Variants in ZCCHC14 observed in about 807,000 individuals in gnomAD.
The protein encoded by ZCCHC14 is zinc finger CCHC domain-containing protein 14.
A neutral mutation model predicts 85.0 loss-of-function variants in ZCCHC14; 16 were observed. That is an observed-to-expected ratio of 0.19 (90% confidence interval 0.13 to 0.29). The LOEUF (loss-of-function observed/expected upper bound fraction) is 0.29. Ranked by LOEUF, ZCCHC14 falls within the 10% of genes least tolerant of loss-of-function variation. The pLI is 1.00. For missense variants in ZCCHC14, 1,303 were observed against 1,443.5 expected, an observed-to-expected ratio of 0.90 and a Z score of 1.58; for synonymous variants, 775 against 630.7, an observed-to-expected ratio of 1.23 and a Z score of -3.43.
intron 2 of ZCCHC14, among the ~76,000 whole-genome samples, chr16:87,450,775 G>A (rs574278083): frequency 6.6e-6 from 1 of 152,146 alleles, no homozygotes; most frequent in Admixed American, 6.5e-5. Flanking sequence ...AGGCTGGTGT[G>A]GAACTCCTGA....
chr16:87,472,485 C>A (rs894145561), intron 1 of ZCCHC14: 2 of 152,416 alleles, frequency 1.3e-5, no homozygotes, highest in African/African-American at 4.8e-5. Flanking sequence ...CCCCACAGAG[C>A]AGACCACCAG....
At chr16:87,415,135 T>C (rs1908717754) in intron 9 of ZCCHC14, 141 bp downstream of exon 9, 2 of 609,558 alleles carry the variant, frequency 3.3e-6, no homozygotes, top group Non-Finnish European at 5.6e-6. Context: ...TAAATAAAAA[T>C]AAATAAAAGC....
At chr16:87,440,571 T>A (rs1910134892) in intron 2 of ZCCHC14, among the ~76,000 whole-genome samples, 1 of 152,132 alleles carries the variant, frequency 6.6e-6, no homozygotes, top group African/African-American at 2.4e-5. Context: ...ACTGGCCACA[T>A]CCCAGACTAT....
In ZCCHC14 at chr16:87,485,162, G is replaced by A. The variant is rs367988523; in HGVS notation, c.570+6507C>T. 1.1e-4 allele frequency among the ~76,000 whole-genome samples: 16 copies of A among 152,304 alleles called. No individual in the cohort carries two copies. In the South Asian group the frequency reaches 2.1e-3, roughly 20 times the overall value. On this transcript the variant is annotated intron_variant, in intron 1 of 12. Coordinates refer to ENST00000671377, the MANE Select transcript of ZCCHC14 (RefSeq NM_015144.3). ...TGAACGGCTGGGTCCAGGGCTTTGTGGCCGGCATGTGAAGACCTGTCCTGC... is the reference window on the plus strand; with the variant it reads ...TGAACGGCTGGGTCCAGGGCTTTGTAGCCGGCATGTGAAGACCTGTCCTGC...
chr16:87,453,819 A>G (rs1910825756), intron 2 of ZCCHC14, among the ~76,000 whole-genome samples: 1 of 152,254 alleles, frequency 6.6e-6, no homozygotes, highest in African/African-American at 2.4e-5. Context: ...AGAAAACGCG[A>G]TGAATGGACA....
intron 1 of ZCCHC14, among the ~76,000 whole-genome samples, chr16:87,476,702 G>T (rs1168496047): frequency 7.9e-6 from 1 of 126,980 alleles, no homozygotes; most frequent in Non-Finnish European, 1.6e-5. Context: ...AAAAGAAACA[G>T]AACAGAGGGA....
At chr16:87,469,665 G>A (rs1204068319) in intron 1 of ZCCHC14, among the ~76,000 whole-genome samples, 1 of 152,216 alleles carries the variant, frequency 6.6e-6, no homozygotes, top group Non-Finnish European at 1.5e-5. Context: ...TGTGGTGCTT[G>A]CGGTGTGGCT....
chr16:87,487,917 C>T (rs1912586845), intron 1 of ZCCHC14, among the ~76,000 whole-genome samples: 1 of 145,624 alleles, frequency 6.9e-6, no homozygotes, highest in South Asian at 2.2e-4. Flanking sequence ...CCCTTATATG[C>T]AACGTCCAAA....
At chr16:87,447,459 G>A (rs912123978) in intron 2 of ZCCHC14, among the ~76,000 whole-genome samples, 31 of 152,182 alleles carry the variant, frequency 2.0e-4, no homozygotes, top group African/African-American at 7.0e-4. Context: ...AGTCTTGAAC[G>A]TCATATAAAC....
chr16:87,462,120 TAAAAA>T (rs11431342), intron 1 of ZCCHC14, among the ~76,000 whole-genome samples: 26 of 139,562 alleles, frequency 1.9e-4, no homozygotes, highest in Non-Finnish European at 3.7e-4. Flanking sequence ...TCTAAAAAAG[TAAAAA>T]AAAAAAAAAA....
intron 2 of ZCCHC14, among the ~76,000 whole-genome samples, chr16:87,440,183 A>C (rs1910116873): frequency 6.6e-6 from 1 of 151,238 alleles, no homozygotes; most frequent in Admixed American, 6.6e-5. Flanking sequence ...TTTTTTTTTA[A>C]GATAAGAGTT....
At chr16:87,467,312 A>T in intron 1 of ZCCHC14, 16 of 1,583,992 alleles carry the variant, frequency 1.0e-5, no homozygotes, top group Middle Eastern at 1.7e-4. Flanking sequence ...ATAATGTAAC[A>T]CTGCCCCAAG....
At chr16:87,445,872 A>G (rs190457715) in intron 2 of ZCCHC14, among the ~76,000 whole-genome samples, 52 of 152,368 alleles carry the variant, frequency 3.4e-4, no homozygotes, top group Non-Finnish European at 6.2e-4. Context: ...TTTTTTAATT[A>G]AAGAAGATTC....
chr16:87,447,228 C>T (rs1489326386), intron 2 of ZCCHC14, among the ~76,000 whole-genome samples: 1 of 147,440 alleles, frequency 6.8e-6, no homozygotes, highest in Non-Finnish European at 1.5e-5. Flanking sequence ...TATTTTGGGC[C>T]AGGGGGAACT....
intron 9 of ZCCHC14, 73 bp from the exon 10 acceptor site, chr16:87,414,614 G>A: frequency 6.6e-7 from 1 of 1,526,662 alleles, no homozygotes; most frequent in African/African-American, 1.4e-5. Context: ...CTTCAAGACG[G>A]GTCTACTCCA....
chr16:87,440,300 G>C (rs1049173884), intron 2 of ZCCHC14, among the ~76,000 whole-genome samples: 1 of 151,322 alleles, frequency 6.6e-6, no homozygotes, highest in African/African-American at 2.4e-5. Flanking sequence ...GAGTAGCTGG[G>C]ATTACAGGCG....
Position 87,410,176 on chromosome 16 carries a change from G to A in ZCCHC14, c.*104C>T. Reference sequence around the variant, plus strand: ...AGTCTAGGAAAAGTAAAGCACCTTTGGATTAAAAAGATTAAGCTCAACAGC... The same window carrying A: ...AGTCTAGGAAAAGTAAAGCACCTTTAGATTAAAAAGATTAAGCTCAACAGC... On this transcript the variant is annotated 3_prime_UTR_variant, in exon 13 of 13. Transcript: ENST00000671377. 1.7e-6 allele frequency: 1 copy of A among 588,272 alleles called. No homozygotes were observed. The highest frequency in any genetic ancestry group is 1.9e-5 in the African/African-American group (1 of 52,278). 36.4% of individuals were successfully genotyped at this position (588,272 alleles called of 1,614,324 possible).
chr16:87,462,898 G>A (rs148772881), intron 1 of ZCCHC14, among the ~76,000 whole-genome samples: 87 of 151,062 alleles, frequency 5.8e-4, no homozygotes, highest in Admixed American at 4.4e-3. Flanking sequence ...GGTGAAACCC[G>A]TCTCTACTAA....
chr16:87,459,943 G>A (rs1911172782), intron 2 of ZCCHC14, 65 bp downstream of exon 2: 2 of 1,603,404 alleles, frequency 1.2e-6, no homozygotes, highest in African/African-American at 2.7e-5. Context: ...TGCCCTCACG[G>A]GGATCTGGGG....
Sources: gnomAD v4.1 joint callset for allele counts (sites outside exome capture counted in the v4.1 genomes callset) on GRCh38, gnomAD v4.1.1 for gene constraint, MANE v1.5 for transcripts, NCBI Gene and HGNC (gene_info 2026-07-23, HGNC 2026-07-21) for gene names.